CBY1: variants seen among roughly 807,000 people sequenced by gnomAD.
CBY1 encodes protein chibby homolog 1.
CBY1 carries 10 observed loss-of-function variants against 15.6 expected under a neutral mutation model. The observed-to-expected ratio is 0.64, with a 90% confidence interval of 0.40 to 1.09. The LOEUF (loss-of-function observed/expected upper bound fraction) is 1.09, where lower values mean the gene tolerates loss of function less well. Ranked by LOEUF, CBY1 falls within the 50% of genes least tolerant of loss-of-function variation. The pLI, the probability that CBY1 is intolerant of heterozygous loss-of-function variation, is 0.01. For missense variants in CBY1, 150 were observed against 160.5 expected, an observed-to-expected ratio of 0.93 and a Z score of 0.35; for synonymous variants, 61 against 63.5, an observed-to-expected ratio of 0.96 and a Z score of 0.19.
At chr22:38,668,285 CTT>C (rs2092442898) in intron 2 of CBY1, 153 bp downstream of exon 2, 3 of 568,922 alleles carry the variant, frequency 5.3e-6, no homozygotes, top group Non-Finnish European at 9.6e-6. Flanking sequence ...TTTTTGAACT[CTT>C]GTTTGGGAAT....
intron 4 of CBY1, 54 bp from the exon 5 acceptor site, chr22:38,673,105 C>A (rs757087248): frequency 3.7e-6 from 5 of 1,363,964 alleles, no homozygotes; most frequent in South Asian, 3.5e-5. Context: ...CTTGCTAACC[C>A]GAAACATTTC....
chr22:38,673,030 C>A, intron 4 of CBY1, 129 bp from the exon 5 acceptor site: 1 of 628,250 alleles, frequency 1.6e-6, no homozygotes, highest in Non-Finnish European at 2.9e-6. Flanking sequence ...AGAGGGTTTC[C>A]CATCGAGGAA....
intron 1 of CBY1, among the ~76,000 whole-genome samples, chr22:38,665,050 C>T (rs1019452424): frequency 1.3e-5 from 2 of 152,126 alleles, no homozygotes; most frequent in African/African-American, 2.4e-5. Flanking sequence ...CATTATGTTG[C>T]CTAGGCTGGT....
chr22:38,670,275 A>C (rs968131162), intron 2 of CBY1: 5 of 152,326 alleles, frequency 3.3e-5, no homozygotes, highest in Non-Finnish European at 7.3e-5. Flanking sequence ...GCATGCCTGT[A>C]GTCCCAGCTA....
At chr22:38,665,654 A>C in intron 1 of CBY1, 1 of 1,021,114 alleles carries the variant, frequency 9.8e-7, no homozygotes, top group Non-Finnish European at 1.3e-6. Flanking sequence ...ACGAGGACTC[A>C]CTGTGCAATT....
intron 1 of CBY1, among the ~76,000 whole-genome samples, chr22:38,666,179 C>A (rs978564766): frequency 4.8e-5 from 7 of 146,676 alleles, no homozygotes; most frequent in African/African-American, 1.5e-4. Flanking sequence ...CTCATGAAAC[C>A]TTACACTTAT....
chr22:38,657,763 C>T (rs1265797229), intron 1 of CBY1, among the ~76,000 whole-genome samples: 1 of 152,110 alleles, frequency 6.6e-6, no homozygotes, highest in East Asian at 1.9e-4. Flanking sequence ...AGAGCCAGGC[C>T]CCTAAACTTG....
chr22:38,669,518 C>T (rs946917892), intron 2 of CBY1, among the ~76,000 whole-genome samples: 6 of 152,124 alleles, frequency 3.9e-5, no homozygotes, highest in African/African-American at 7.2e-5. Flanking sequence ...GATACTTTAA[C>T]GGAAGGCTAC....
chr22:38,658,678 G>C (rs913064901), intron 1 of CBY1, among the ~76,000 whole-genome samples: 1 of 148,950 alleles, frequency 6.7e-6, no homozygotes, highest in African/African-American at 2.5e-5. Context: ...GGGTTTCACT[G>C]TGTTAGCCAG....
rs754956852 is a variant in CBY1 at position 38,671,038 on chromosome 22, T to A, written c.185-32T>A. The A allele has an allele frequency of 9.3e-6, 15 of 1,611,528 alleles. No homozygotes were observed. The South Asian group carries it at 1.5e-4, about 17-fold the overall frequency. On this transcript the variant is annotated intron_variant, in intron 3 of 4. Coordinates refer to ENST00000216029, the MANE Select transcript of CBY1 (RefSeq NM_015373.4). ...TGTCAAACAAGATTGTAGGAGGAAATCCCCCTTTAACTGGTTCTGTCCTTC... is the reference window on the plus strand; with the variant it reads ...TGTCAAACAAGATTGTAGGAGGAAAACCCCCTTTAACTGGTTCTGTCCTTC...
chr22:38,660,623 TAC>T (rs67187850), intron 1 of CBY1, among the ~76,000 whole-genome samples: 38,324 of 149,228 alleles, frequency 0.26, 4,950 homozygotes, highest in East Asian at 0.36. Flanking sequence ...TACAGGTACA[TAC>T]ACACACACAC....
rs577119786 is a variant in CBY1 at position 38,666,326 on chromosome 22, C to G, written c.-38-1691C>G. On this transcript the variant is annotated intron_variant, in intron 1 of 4. Coordinates refer to ENST00000216029, the MANE Select transcript of CBY1 (RefSeq NM_015373.4). ...AACTCCTGTGCTCAAGTAATCCTCC[C>G]TCCCTGGCCTCCCAAAGTGCTAGGA... Among the ~76,000 whole-genome samples, 3 of 152,038 alleles carry G rather than the reference C, an allele frequency of 2.0e-5. No individual in the cohort carries two copies. The South Asian group carries it at 6.2e-4, about 32-fold the overall frequency.
intron 4 of CBY1, 130 bp downstream of exon 4, chr22:38,671,318 C>T: frequency 2.7e-6 from 2 of 738,186 alleles, no homozygotes; most frequent in South Asian, 3.1e-5. Context: ...TCCAAAGCCA[C>T]ACGCAAGGAA....
At chr22:38,663,581 A>T (rs980447431) in intron 1 of CBY1, among the ~76,000 whole-genome samples, 1 of 151,436 alleles carries the variant, frequency 6.6e-6, no homozygotes, top group Non-Finnish European at 1.5e-5. Context: ...CTGTAATCTC[A>T]GCTACTTGGG....
chr22:38,668,743 G>A (rs147293607), intron 2 of CBY1: 2,856 of 152,914 alleles, frequency 0.019, 45 homozygotes, highest in Middle Eastern at 0.057. Context: ...GACTGGCCAT[G>A]TCTTCACAGA....
At chr22:38,670,810 G>T (rs770598604) in intron 2 of CBY1, 74 bp from the exon 3 acceptor site, 50 of 923,762 alleles carry the variant, frequency 5.4e-5, no homozygotes, top group Non-Finnish European at 8.6e-5. Flanking sequence ...GGGTCATATT[G>T]TTGGCGGAAG....
intron 1 of CBY1, among the ~76,000 whole-genome samples, chr22:38,661,656 A>G (rs13054866): frequency 0.12 from 18,408 of 152,218 alleles, 1,183 homozygotes; most frequent in East Asian, 0.19. Flanking sequence ...CTTAATGAAA[A>G]CAGCCTGGAA....
At chr22:38,661,512 A>G (rs1863312734) in intron 1 of CBY1, among the ~76,000 whole-genome samples, 1 of 152,260 alleles carries the variant, frequency 6.6e-6, no homozygotes, top group Non-Finnish European at 1.5e-5. Flanking sequence ...GAAAGCTGTC[A>G]TGAGCACATA....
chr22:38,662,216 C>T (rs982265827), intron 1 of CBY1, among the ~76,000 whole-genome samples: 2 of 151,552 alleles, frequency 1.3e-5, no homozygotes, highest in African/African-American at 2.4e-5. Flanking sequence ...GTGGGAGAAT[C>T]GCTTGAACCT....
Sources: gnomAD v4.1 joint callset for allele counts (sites outside exome capture counted in the v4.1 genomes callset) on GRCh38, gnomAD v4.1.1 for gene constraint, MANE v1.5 for transcripts, NCBI Gene and HGNC (gene_info 2026-07-23, HGNC 2026-07-21) for gene names.